METTL1: variants seen among roughly 807,000 people sequenced by gnomAD.
METTL1 encodes tRNA (guanine-N(7)-)-methyltransferase.
METTL1 carries 14 observed loss-of-function variants against 27.7 expected under a neutral mutation model. That is an observed-to-expected ratio of 0.51 (90% CI 0.33 to 0.79). METTL1 has a LOEUF of 0.79. Ranked by LOEUF, METTL1 falls within the 30% of genes least tolerant of loss-of-function variation. The pLI, the probability that METTL1 is intolerant of heterozygous loss-of-function variation, is 0.02. For synonymous variants in METTL1, 138 were observed against 137.0 expected, an observed-to-expected ratio of 1.01 and a Z score of -0.05; for missense variants, 333 against 359.6, an observed-to-expected ratio of 0.93 and a Z score of 0.60.
chr12:57,770,632 C>T (rs986536537), intron 2 of METTL1: 23 of 163,100 alleles, frequency 1.4e-4, no homozygotes, highest in African/African-American at 4.1e-4. Flanking sequence ...TAGGGAGTGG[C>T]TTGGCATGCA....
rs765167499 is a variant in METTL1 at position 57,771,955 on chromosome 12, C to T, written c.110+19G>A. ...TTGAGAATCCCGCCCTCCTCTCTCT[C>T]CCTCTGCCCACTCCTCACTAGCGCA... is the stretch of plus-strand genomic sequence containing the variant. On this transcript the variant is annotated intron_variant, in intron 1 of 5. Transcript: ENST00000324871. The T allele has an allele frequency of 6.7e-7, 1 of 1,498,888 alleles. No homozygotes were observed. The highest frequency in any genetic ancestry group is 2.5e-5 in the Admixed American group (1 of 39,744). The allele number at this position is 1,498,888 out of a possible 1,614,324, so 92.8% of individuals were successfully genotyped here. A position where few individuals can be genotyped will look rare whatever the true frequency, so the allele number is the denominator to read the frequency against.
At position 57,769,951 on chromosome 12, in the gene METTL1, G is replaced by C. The variant is rs769712951; in HGVS notation, c.280C>G (p.Leu94Val). 7.5e-6 allele frequency: 12 copies of C among 1,604,130 alleles called. No individual in the cohort carries two copies. Among genetic ancestry groups the C allele is most frequent in the Non-Finnish European group, 1.0e-5 (12 of 1,173,992 alleles). ...GCGYGGLLVE[L>V]SPLFPDTLIL... ...AGTGTGTCTGGGAACAGCGGTGACA[G>C]TTCCACTGCACACAGAAATAGCAAT... is the stretch of plus-strand genomic sequence containing the variant. The change falls in exon 3 of 6, where the codon CTG becomes GTG. Residue 94 changes from leucine (L) to valine (V), a missense_variant. Physicochemically the swap from Leu to Val is conservative, Grantham distance 32 (BLOSUM62 1). Coordinates refer to ENST00000324871, the MANE Select transcript of METTL1 (RefSeq NM_005371.6).
rs1955424478 is a variant in METTL1, at chr12:57,771,129, A to G, written c.239T>C (p.Phe80Ser). 6.2e-7 allele frequency: 1 copy of G among 1,613,996 alleles called. No individual in the cohort carries two copies. Among genetic ancestry groups the G allele is most frequent in the African/African-American group, 1.3e-5 (1 of 74,920 alleles). ...KEKRAQAQVE[F>S]ADIGCGYGGL... ...ACCATAGCCACAGCCTATGTCTGCA[A>G]ACTCCACTTGGGCCTGAGCTCTCTT... is the stretch of plus-strand genomic sequence containing the variant. The change falls in exon 2 of 6, where the codon TTT becomes TCT. Residue 80 changes from phenylalanine to serine, a missense_variant. Phe to Ser is a radical substitution (Grantham distance 155). Coordinates refer to ENST00000324871, the MANE Select transcript of METTL1 (RefSeq NM_005371.6).
chr12:57,768,897 T>G lies in METTL1; in HGVS notation c.*99A>C. The G allele has an allele frequency of 6.9e-7, 1 of 1,454,748 alleles. No individual in the cohort carries two copies. Among genetic ancestry groups the G allele is most frequent in the Non-Finnish European group, 9.4e-7 (1 of 1,068,014 alleles). The allele number at this position is 1,454,748 out of a possible 1,614,324, so 90.1% of individuals were successfully genotyped here. ...CTCCCCACCTTCTTTAAGAGAGTAC[T>G]GTGTCTCAGCTCCAGCAGTCTCAAC... On this transcript the variant is annotated 3_prime_UTR_variant, in exon 6 of 6. Coordinates refer to ENST00000324871, the MANE Select transcript of METTL1 (RefSeq NM_005371.6).
chr12:57,771,063 TCTC>T, intron 2 of METTL1, 28 bp downstream of exon 2: 2 of 1,606,034 alleles, frequency 1.2e-6, no homozygotes, highest in Non-Finnish European at 1.7e-6. Context: ...CTAGGCCTCT[TCTC>T]ACCCCAAAAA....
At chr12:57,769,734 C>T (rs1459595380) in intron 3 of METTL1, 38 bp downstream of exon 3, 8 of 1,610,410 alleles carry the variant, frequency 5.0e-6, no homozygotes, top group South Asian at 1.1e-5. Flanking sequence ...CATGCCCCCA[C>T]CTGCCTACCA....
In METTL1 at chr12:57,768,509, G is replaced by C. The variant is rs750762129; in HGVS notation, c.*487C>G. 42 of 155,350 alleles carry C rather than the reference G, an allele frequency of 2.7e-4. No homozygotes were observed. The highest frequency in any genetic ancestry group is 4.9e-4 in the Non-Finnish European group (34 of 70,082). The allele number at this position is 155,350 out of a possible 1,614,324, so 9.6% of individuals were successfully genotyped here. ...ATTCCCCAGGTCAAGTCTTACGCAG[G>C]GAGAGGACAGGAGGATGGTAGAAGG... On this transcript the variant is annotated 3_prime_UTR_variant, in exon 6 of 6. Coordinates refer to ENST00000324871, the MANE Select transcript of METTL1 (RefSeq NM_005371.6).
chr12:57,771,321 TGA>T, intron 1 of METTL1, 64 bp from the exon 2 acceptor site: 2 of 1,543,642 alleles, frequency 1.3e-6, no homozygotes, highest in South Asian at 1.2e-5. Context: ...AGTGGTACTG[TGA>T]GAGTGTGTGG....
rs767397142 is a variant in METTL1, at chr12:57,768,853, TG to T, written c.*142del. ...AGCCAGGGGTAGTCATGAACACCAG[TG>T]GGTTCTGCCCTGGGCAGCTCCCCAC... is the stretch of plus-strand genomic sequence containing the variant. On this transcript the variant is annotated 3_prime_UTR_variant, in exon 6 of 6. Transcript: ENST00000324871. 3.1e-6 allele frequency: 3 copies of T among 968,988 alleles called. No individual in the cohort carries two copies. Among genetic ancestry groups the T allele is most frequent in the Non-Finnish European group, 4.4e-6 (3 of 676,194 alleles). The allele number at this position is 968,988 out of a possible 1,614,324, so 60.0% of individuals were successfully genotyped here.
intron 2 of METTL1, 50 bp downstream of exon 2, chr12:57,771,044 C>A: frequency 6.3e-7 from 1 of 1,576,222 alleles, no homozygotes; most frequent in Non-Finnish European, 8.6e-7. Flanking sequence ...GCTGAGGCAG[C>A]AGAAGCTACT....
At position 57,769,014 on chromosome 12, in the gene METTL1, G is replaced by T. The variant is rs145819242; in HGVS notation, c.813C>A (p.Thr271=). 5.3e-4 allele frequency: 843 copies of T among 1,605,128 alleles called. 4 individuals are homozygous for T. In the African/African-American group the frequency reaches 9.7e-3, roughly 19 times the overall value. ...DPVLQAVTSQ[T]SLPGH The stretch of plus-strand genomic sequence containing the variant: ...TAAGCAGTCAGTGACCAGGCAGGCT[G>T]GTTTGGGAGGTCACTGCCTGGAGGA... The change falls in exon 6 of 6, where the codon ACC becomes ACA. Residue 271 remains threonine, a synonymous_variant. Transcript: ENST00000324871.
In METTL1 at chr12:57,772,048, C is replaced by T; in HGVS notation, c.36G>A (p.Glu12=). ...AGTAGCGCTTCTGGGGCGGTGGGGC[C>T]TCTGCTCCGGCCACGTTCCGAGTCT... ...AAETRNVAGA[E]APPPQKRYYR... Residue 12 remains glutamate (E), a synonymous_variant, in exon 1 of 6, where the codon GAG becomes GAA. Transcript: ENST00000324871. The surrounding 1 kb of genome is among the most constrained non-coding windows in gnomAD (Gnocchi z 4.1). The T allele has an allele frequency of 6.4e-7, 1 of 1,556,072 alleles. No individual in the cohort carries two copies. The highest frequency in any genetic ancestry group is 8.6e-7 in the Non-Finnish European group (1 of 1,160,292).
At position 57,769,818 on chromosome 12, in the gene METTL1, C is replaced by T. The variant is rs745861017; in HGVS notation, c.413G>A (p.Arg138His). The T allele has an allele frequency of 1.2e-5, 19 of 1,614,188 alleles. No individual in the cohort carries two copies. The highest frequency in any genetic ancestry group is 3.3e-5 in the Admixed American group (2 of 60,024). ...AGGFQNIACLRSNAMKHLPNF... is the reference protein window; with the variant it reads ...AGGFQNIACLHSNAMKHLPNF... ...AGGAAGGTGCTTCATGGCATTGCTA[C>T]GGAGACAGGCGATGTTCTGGAAGCC... Residue 138 changes from arginine (R) to histidine (H), a missense_variant, in exon 3 of 6, where the codon CGT becomes CAT. By Grantham distance (29) the Arg-to-His change is conservative. Transcript: ENST00000324871.
Position 57,769,349 on chromosome 12 carries a change from T to G in METTL1, c.629A>C (p.His210Pro). The G allele has an allele frequency of 1.2e-6, 2 of 1,614,176 alleles. No individual in the cohort carries two copies. The highest frequency in any genetic ancestry group is 2.2e-5 in the East Asian group (1 of 44,888). The change falls in exon 5 of 6, where the codon CAT becomes CCT. Residue 210 changes from histidine to proline, a missense_variant. Physicochemically the swap from His to Pro is moderately conservative, Grantham distance 77 (BLOSUM62 -2). Coordinates refer to ENST00000324871, the MANE Select transcript of METTL1 (RefSeq NM_005371.6). ...VLELHDWMCT[H>P]FEEHPLFERV... ...CTCAAACAGTGGGTGCTCTTCGAAA[T>G]GAGTGCACATCCAGTCGTGTAGCTC...
chr12:57,769,764 C>G lies in METTL1; in HGVS notation c.459+8G>C. Reference sequence around the variant, plus strand: ...CTACCAGCCTAACCCACCAGGGCCCCTCCCCACCTGGCCCTTGTAGAAGAA... The same window carrying G: ...CTACCAGCCTAACCCACCAGGGCCCGTCCCCACCTGGCCCTTGTAGAAGAA... On this transcript the variant is annotated splice_region_variant and intron_variant, in intron 3 of 5. Transcript: ENST00000324871. 1 of 1,614,036 alleles carries G rather than the reference C, an allele frequency of 6.2e-7. No homozygotes were observed. Among genetic ancestry groups the G allele is most frequent in the Non-Finnish European group, 8.5e-7 (1 of 1,179,892 alleles).
At position 57,768,936 on chromosome 12, in the gene METTL1, G is replaced by A. The variant is rs1390186532; in HGVS notation, c.*60C>T. The A allele has an allele frequency of 3.2e-6, 5 of 1,561,158 alleles. No individual in the cohort carries two copies. Among genetic ancestry groups the A allele is most frequent in the Non-Finnish European group, 2.6e-6 (3 of 1,143,958 alleles). On this transcript the variant is annotated 3_prime_UTR_variant, in exon 6 of 6. Coordinates refer to ENST00000324871, the MANE Select transcript of METTL1 (RefSeq NM_005371.6). ...AGCAGTCTCAACTGGGAAGACCCAG[G>A]ACTCCTGCTCTTTTCTCTAATCCCT... is the stretch of plus-strand genomic sequence containing the variant.
chr12:57,771,609 C>A, intron 1 of METTL1: 1 of 1,535,046 alleles, frequency 6.5e-7, no homozygotes, highest in Non-Finnish European at 8.7e-7. Context: ...TTGTGCTCTG[C>A]GGGGAGGGAA....
At chr12:57,771,658 C>T (rs113489585) in intron 1 of METTL1, 39,788 of 1,520,898 alleles carry the variant, frequency 0.026, 581 homozygotes, top group Middle Eastern at 0.074. Context: ...TATATGTTTG[C>T]CTTTTTATTA....
rs111685053 is a variant in METTL1, at chr12:57,770,073, G to A, written c.275-117C>T. On this transcript the variant is annotated intron_variant, in intron 2 of 5. Coordinates refer to ENST00000324871, the MANE Select transcript of METTL1 (RefSeq NM_005371.6). ...TACCAAAGTCCAGAACGGCAAGAGA[G>A]GACAGAGATACATATATGGATAGTT... 38 of 1,017,032 alleles carry A rather than the reference G, an allele frequency of 3.7e-5. No homozygotes were observed. The African/African-American group carries it at 4.2e-4, about 11-fold the overall frequency. The allele number at this position is 1,017,032 out of a possible 1,614,324, so 63.0% of individuals were successfully genotyped here.
Sources: gnomAD v4.1 joint callset for allele counts on GRCh38, gnomAD v4.1.1 for gene constraint, Gnocchi (gnomAD v3.1) non-coding constraint, MANE v1.5 for transcripts, NCBI Gene and HGNC (gene_info 2026-07-23, HGNC 2026-07-21) for gene names.